LOXHD1: variants seen among roughly 807,000 people sequenced by gnomAD.
LOXHD1 encodes the protein lipoxygenase homology domain-containing protein 1.
A neutral mutation model predicts 248.2 loss-of-function variants in LOXHD1; 205 were observed. That is an observed-to-expected ratio of 0.83 (90% CI 0.74 to 0.93). The LOEUF is 0.93. Ranked by LOEUF, LOXHD1 falls within the 40% of genes least tolerant of loss-of-function variation. The pLI is 0.00. For synonymous variants in LOXHD1, 1,113 were observed against 1,162.8 expected (o/e 0.96, Z 0.87); for missense variants, 2,930 against 2,971.6 (o/e 0.99, Z 0.33).
Position 46,529,070 on chromosome 18 carries a change from T to C in LOXHD1, c.4530+107A>G, listed in dbSNP as rs1450425. On this transcript the variant is annotated intron_variant, in intron 29 of 40. Coordinates refer to ENST00000642948, the MANE Select transcript of LOXHD1 (RefSeq NM_001384474.1). ...CAGAGGCCCAAATGAGTGTGCACAA[T>C]GCCCCATGGAGTTCCTGGATGTCCC... 0.71 allele frequency: 965,961 copies of C among 1,356,964 alleles called. 346,192 individuals are homozygous for C. Among genetic ancestry groups the C allele is most frequent in the Non-Finnish European group, 0.73 (723,147 of 986,612 alleles). 84.1% of individuals were successfully genotyped at this position (1,356,964 alleles called of 1,614,324 possible).
Position 46,559,471 on chromosome 18 carries a change from A to T in LOXHD1, c.3193T>A (p.Ser1065Thr). ...ACCTGCCCCTGCTCAAATTTGTTGGACTTGTCTGACTTCTTCAGGGGTCGT... is the reference window on the plus strand; with the variant it reads ...ACCTGCCCCTGCTCAAATTTGTTGGTCTTGTCTGACTTCTTCAGGGGTCGT... ...GERPLKKSDKSNKFEQGQTDT... is the reference protein window; with the variant it reads ...GERPLKKSDKTNKFEQGQTDT... The change falls in exon 20 of 41, where the codon TCC (serine) becomes ACC (threonine). Residue 1065 changes from serine (S) to threonine (T), a missense_variant. Physicochemically the swap from Ser to Thr is moderately conservative, Grantham distance 58. Coordinates refer to ENST00000642948, the MANE Select transcript of LOXHD1 (RefSeq NM_001384474.1). 6.4e-7 allele frequency: 1 copy of T among 1,552,004 alleles called. No homozygotes were observed.
chr18:46,583,996 A>G (rs1215301235), intron 12 of LOXHD1, among the ~76,000 whole-genome samples: 6 of 152,208 alleles, frequency 3.9e-5, no homozygotes. Context: ...TACATACACA[A>G]TGCAATACGA....
intron 1 of LOXHD1, among the ~76,000 whole-genome samples, chr18:46,653,315 G>A (rs1365373585): frequency 6.6e-6 from 1 of 152,218 alleles, no homozygotes; most frequent in African/African-American, 2.4e-5. Flanking sequence ...TGTCGCCTCT[G>A]AGAAGGGGTG....
chr18:46,584,417 A>G (rs2038021650), intron 12 of LOXHD1, among the ~76,000 whole-genome samples: 1 of 152,186 alleles, frequency 6.6e-6, no homozygotes, highest in South Asian at 2.1e-4. Context: ...TGATAAATGC[A>G]TGAGGTGATG....
At chr18:46,498,856 C>T (rs182143391) in intron 37 of LOXHD1, among the ~76,000 whole-genome samples, 77 of 152,282 alleles carry the variant, frequency 5.1e-4, no homozygotes, top group African/African-American at 1.9e-3. Flanking sequence ...CTATTTCACC[C>T]ATGACACCTA....
chr18:46,624,324 G>T (rs1003386073), intron 4 of LOXHD1, among the ~76,000 whole-genome samples: 5 of 152,210 alleles, frequency 3.3e-5, no homozygotes, highest in African/African-American at 1.2e-4. Context: ...TTCAGCGGGG[G>T]CTGCCCTGGG....
intron 1 of LOXHD1, among the ~76,000 whole-genome samples, chr18:46,650,356 G>A (rs1373219701): frequency 6.6e-6 from 1 of 152,070 alleles, no homozygotes; most frequent in Non-Finnish European, 1.5e-5. Flanking sequence ...ATGTGGGGAG[G>A]GTGTTTTAAA....
rs1030496231 is a variant in LOXHD1 at position 46,618,177 on chromosome 18, A to T, written c.610+15T>A. On this transcript the variant is annotated intron_variant, in intron 5 of 40. Transcript: ENST00000642948. ...CTGGGCTTGGCTTATGAAAAAAATAATTCAAACCCATTACCTGTGTCTCCA... is the reference window on the plus strand; with the variant it reads ...CTGGGCTTGGCTTATGAAAAAAATATTTCAAACCCATTACCTGTGTCTCCA... 4 of 1,540,162 alleles carry T rather than the reference A, an allele frequency of 2.6e-6. No individual in the cohort carries two copies. The highest frequency in any genetic ancestry group is 3.5e-6 in the Non-Finnish European group (4 of 1,137,488).
intron 17 of LOXHD1, among the ~76,000 whole-genome samples, chr18:46,565,218 G>A (rs1170902497): frequency 6.6e-6 from 1 of 151,644 alleles, no homozygotes; most frequent in Non-Finnish European, 1.5e-5. Context: ...CTGAGATTGT[G>A]CCACTGCACT....
At chr18:46,505,729 C>T in intron 37 of LOXHD1, 109 bp downstream of exon 37, 1 of 1,177,492 alleles carries the variant, frequency 8.5e-7, no homozygotes, top group Non-Finnish European at 1.2e-6. Flanking sequence ...GTTCAGTTTT[C>T]TGCCACCCTG....
At chr18:46,532,356 G>A (rs1236402636) in intron 28 of LOXHD1, among the ~76,000 whole-genome samples, 1 of 152,178 alleles carries the variant, frequency 6.6e-6, no homozygotes, top group African/African-American at 2.4e-5. Flanking sequence ...TCAAAACAGA[G>A]GTATGACTCT....
At chr18:46,631,175 G>A (rs1382196858) in intron 4 of LOXHD1, among the ~76,000 whole-genome samples, 1 of 152,196 alleles carries the variant, frequency 6.6e-6, no homozygotes, top group African/African-American at 2.4e-5. Flanking sequence ...GTAGATAGGA[G>A]GAGACCGCAG....
chr18:46,477,449 G>A lies in LOXHD1; in HGVS notation c.*23C>T. ...AAATGTGAGATTGGGGCATCTCAGT[G>A]AGAGGGTGGGGGCCCTAGCCCCTCA... On this transcript the variant is annotated 3_prime_UTR_variant, in exon 41 of 41. Transcript: ENST00000642948. 6.5e-7 allele frequency: 1 copy of A among 1,540,188 alleles called. No homozygotes were observed. The highest frequency in any genetic ancestry group is 2.5e-5 in the East Asian group (1 of 40,674).
chr18:46,542,004 C>T lies in LOXHD1; in HGVS notation c.3749-64G>A, dbSNP rs974862099. 9 of 1,450,846 alleles carry T rather than the reference C, an allele frequency of 6.2e-6. No individual in the cohort carries two copies. The African/African-American group carries it at 1.1e-4, about 18-fold the overall frequency. The allele number at this position is 1,450,846 out of a possible 1,614,324, so 89.9% of individuals were successfully genotyped here. On this transcript the variant is annotated intron_variant, in intron 24 of 40. Coordinates refer to ENST00000642948, the MANE Select transcript of LOXHD1 (RefSeq NM_001384474.1). ...AGCAGAGATGATTTCCTGTGGGTAA[C>T]TTCAGGGACTCCTGACTTCCTTCCT...
At chr18:46,564,083 G>GGAGA (rs771086283) in intron 17 of LOXHD1, among the ~76,000 whole-genome samples, 34 of 149,056 alleles carry the variant, frequency 2.3e-4, no homozygotes, top group African/African-American at 7.8e-4. Flanking sequence ...GGAAGGAGGG[G>GGAGA]GAGAGAGAGA....
At chr18:46,484,885 A>G (rs2032907168) in intron 39 of LOXHD1, 134 bp downstream of exon 39, 7 of 1,099,498 alleles carry the variant, frequency 6.4e-6, no homozygotes, top group African/African-American at 1.6e-5. Flanking sequence ...GGATTGGCAC[A>G]CAGTAGGTGC....
rs561973468 is a variant in LOXHD1, at chr18:46,543,395, C to T, written c.3620-540G>A. Among the ~76,000 whole-genome samples, 12 of 152,126 alleles carry T rather than the reference C, an allele frequency of 7.9e-5. No individual in the cohort carries two copies. The South Asian group carries it at 1.0e-3, about 13-fold the overall frequency. On this transcript the variant is annotated intron_variant, in intron 23 of 40. Transcript: ENST00000642948. The stretch of plus-strand genomic sequence containing the variant: ...TAGTATTCCATGGTGTGTATATACA[C>T]CATATTTTCTTTTTATCTTTTAAAA...
chr18:46,498,031 T>C (rs2033986712), intron 37 of LOXHD1, among the ~76,000 whole-genome samples: 1 of 152,306 alleles, frequency 6.6e-6, no homozygotes, highest in African/African-American at 2.4e-5. Flanking sequence ...CAGTTCTAGG[T>C]TTCCCCTCTT....
rs1056598035 is a variant in LOXHD1, at chr18:46,582,437, G to A, written c.1655-2653C>T. 2.6e-5 allele frequency among the ~76,000 whole-genome samples: 4 copies of A among 151,548 alleles called. No individual in the cohort carries two copies. The South Asian group carries it at 8.5e-4, about 32-fold the overall frequency. ...CCAAAAATATGATTAAAAAAACAAT[G>A]AGGGACCAAAAATGGTACTCTGTAA... is the stretch of plus-strand genomic sequence containing the variant. On this transcript the variant is annotated intron_variant, in intron 12 of 40. Transcript: ENST00000642948.
Sources: gnomAD v4.1 joint callset for allele counts (sites outside exome capture counted in the v4.1 genomes callset) on GRCh38, gnomAD v4.1.1 for gene constraint, MANE v1.5 for transcripts, NCBI Gene and HGNC (gene_info 2026-07-23, HGNC 2026-07-21) for gene names.